The following KIF13A variants were observed in gnomAD, a reference collection of about 807,000 sequenced individuals.
KIF13A encodes the protein kinesin-like protein KIF13A.
Under a neutral mutation model 212.2 loss-of-function variants are expected in KIF13A, and 79 were observed. The ratio of observed to expected loss-of-function variants is 0.37; its 90% CI spans 0.31 to 0.45. The LOEUF (loss-of-function observed/expected upper bound fraction) is 0.45, where lower values mean the gene tolerates loss of function less well. Among genes scored for constraint, KIF13A ranks in the 20% least tolerant of loss-of-function variants. KIF13A has a pLI of 1.00. For synonymous variants in KIF13A, 789 were observed against 808.6 expected, an observed-to-expected ratio of 0.98 and a Z score of 0.41; for missense variants, 1,901 against 2,209.0, an observed-to-expected ratio of 0.86 and a Z score of 2.79.
Position 17,972,922 on chromosome 6 carries a change from C to G in KIF13A, c.146+14132G>C, listed in dbSNP as rs578097848. On this transcript the variant is annotated intron_variant, in intron 2 of 38. Coordinates refer to ENST00000259711, the MANE Select transcript of KIF13A (RefSeq NM_022113.6). ...GTTTCCCTCAAGCCTCTTCTAACAG[C>G]AGCCAGTTCATCAAGCCCACAGACC... 1.1e-4 allele frequency among the ~76,000 whole-genome samples: 17 copies of G among 151,878 alleles called. No homozygotes were observed. The South Asian group carries it at 1.3e-3, about 11-fold the overall frequency.
rs1465885638 is a variant in KIF13A, at chr6:17,888,940, A to G, written c.159+9228T>C. Among the ~76,000 whole-genome samples, 1 of 152,184 alleles carries G rather than the reference A, an allele frequency of 6.6e-6. No individual in the cohort carries two copies. The highest frequency in any genetic ancestry group is 2.4e-5 in the African/African-American group (1 of 41,460). On this transcript the variant is annotated intron_variant, in intron 3 of 38. Coordinates refer to ENST00000259711, the MANE Select transcript of KIF13A (RefSeq NM_022113.6). This position sits in a 1 kb window ranked among gnomAD's most constrained non-coding sequence, Gnocchi z 4.8. ...TTCTTTCTTGTACCAAGTCTTCTAA[A>G]TCTAGCATATATTTTGTACTTAATC...
intron 4 of KIF13A, among the ~76,000 whole-genome samples, chr6:17,859,620 T>TTTTATA (rs1485260645): frequency 1.5e-5 from 2 of 131,554 alleles, no homozygotes; most frequent in African/African-American, 2.9e-5. Flanking sequence ...GCAATGTATT[T>TTTTATA]TATATATATA....
intron 16 of KIF13A, chr6:17,821,691 T>C: frequency 7.4e-7 from 1 of 1,358,570 alleles, no homozygotes; most frequent in Middle Eastern, 1.8e-4. Context: ...TCATGTTAGT[T>C]AGATTTTTGC....
At position 17,872,792 on chromosome 6, in the gene KIF13A, C is replaced by A. The variant is rs1378803277; in HGVS notation, c.220+585G>T. Among the ~76,000 whole-genome samples, 1 of 152,050 alleles carries A rather than the reference C, an allele frequency of 6.6e-6. No individual in the cohort carries two copies. The highest frequency in any genetic ancestry group is 1.5e-5 in the Non-Finnish European group (1 of 67,994). On this transcript the variant is annotated intron_variant, in intron 4 of 38. Coordinates refer to ENST00000259711, the MANE Select transcript of KIF13A (RefSeq NM_022113.6). The surrounding 1 kb of genome is among the most constrained non-coding windows in gnomAD (Gnocchi z 4.7). ...CTGGGATTACAGGCGCCCACCACCA[C>A]ACCTGAATAAGTTTTGTATGTTTAG...
intron 4 of KIF13A, among the ~76,000 whole-genome samples, chr6:17,864,902 G>C (rs1769205970): frequency 6.6e-6 from 1 of 152,204 alleles, no homozygotes; most frequent in African/African-American, 2.4e-5. Flanking sequence ...TGTACTGGGA[G>C]ATGGGTAACC....
intron 3 of KIF13A, among the ~76,000 whole-genome samples, chr6:17,893,855 T>C (rs1228145684): frequency 1.1e-4 from 11 of 95,906 alleles, no homozygotes; most frequent in Admixed American, 8.3e-4. Flanking sequence ...TTTTTTTTTT[T>C]CTGAGACAGA....
intron 2 of KIF13A, among the ~76,000 whole-genome samples, chr6:17,905,716 T>C (rs960506361): frequency 2.0e-5 from 3 of 152,084 alleles, no homozygotes; most frequent in Admixed American, 6.5e-5. Context: ...GCCAAAGAAA[T>C]GTTATCCCAA....
Position 17,883,585 on chromosome 6 carries a change from A to AT in KIF13A, c.160-10149dup, listed in dbSNP as rs1363297484. On this transcript the variant is annotated intron_variant, in intron 3 of 38. Transcript: ENST00000259711. The surrounding 1 kb of genome is among the most constrained non-coding windows in gnomAD (Gnocchi z 4.8). ...AGACTGGTGTCACCCTACAGGCATT[A>AT]TTTTTGTGTTTACTGGATTCCCACT... 6.6e-6 allele frequency among the ~76,000 whole-genome samples: 1 copy of AT among 152,176 alleles called. No homozygotes were observed. Among genetic ancestry groups the AT allele is most frequent in the Admixed American group, 6.5e-5 (1 of 15,284 alleles).
Position 17,891,035 on chromosome 6 carries a change from GAAGGA to G in KIF13A, c.159+7128_159+7132del, listed in dbSNP as rs553855161. 1.9e-4 allele frequency among the ~76,000 whole-genome samples: 29 copies of G among 152,122 alleles called. 1 individual carries two copies. The South Asian group carries it at 4.8e-3, about 25-fold the overall frequency. On this transcript the variant is annotated intron_variant, in intron 3 of 38. Coordinates refer to ENST00000259711, the MANE Select transcript of KIF13A (RefSeq NM_022113.6). ...AGACTCAAAACTACAGTCACACTGA[GAAGGA>G]AAGACACTCCAATCCTACAAATTAT...
At chr6:17,804,715 G>C (rs1027431322) in intron 19 of KIF13A, among the ~76,000 whole-genome samples, 1 of 148,756 alleles carries the variant, frequency 6.7e-6, no homozygotes, top group Admixed American at 6.9e-5. Context: ...CAGGAGGCTG[G>C]GGCACGAGAA....
chr6:17,844,510 G>A (rs999243339), intron 9 of KIF13A, among the ~76,000 whole-genome samples: 3 of 152,146 alleles, frequency 2.0e-5, no homozygotes, highest in African/African-American at 7.2e-5. Flanking sequence ...GGACGTCTCC[G>A]AGCTTTTAGC....
At chr6:17,964,731 G>A (rs1779142769) in intron 2 of KIF13A, among the ~76,000 whole-genome samples, 1 of 151,756 alleles carries the variant, frequency 6.6e-6, no homozygotes, top group African/African-American at 2.4e-5. Flanking sequence ...AATTTTTCAT[G>A]GGCTTAGGTC....
intron 33 of KIF13A, among the ~76,000 whole-genome samples, chr6:17,778,552 G>A (rs549304529): frequency 6.6e-6 from 1 of 152,134 alleles, no homozygotes; most frequent in Non-Finnish European, 1.5e-5. Context: ...AAGCATATGT[G>A]CTTTGGAGTC....
Position 17,771,457 on chromosome 6 carries a change from C to T in KIF13A, c.4477-239G>A, listed in dbSNP as rs1253402142. On this transcript the variant is annotated intron_variant, in intron 37 of 38. Transcript: ENST00000259711. This position sits in a 1 kb window ranked among gnomAD's most constrained non-coding sequence, Gnocchi z 5.4. ...AAAACAGCCTTTTGACCAGGTACAA[C>T]GGCTCATGCCTGCAATCCCAGTGCC... is the stretch of plus-strand genomic sequence containing the variant. The T allele has an allele frequency of 5.4e-5, 26 of 483,382 alleles. No homozygotes were observed. The highest frequency in any genetic ancestry group is 5.1e-5 in the Non-Finnish European group (14 of 272,338). 29.9% of individuals were successfully genotyped at this position (483,382 alleles called of 1,614,324 possible).
intron 2 of KIF13A, among the ~76,000 whole-genome samples, chr6:17,917,111 C>T (rs1319909571): frequency 6.6e-6 from 1 of 151,892 alleles, no homozygotes; most frequent in African/African-American, 2.4e-5. Flanking sequence ...TCCCCAAGAT[C>T]ACTAGAGACT....
chr6:17,870,205 T>C (rs548098062), intron 4 of KIF13A, among the ~76,000 whole-genome samples: 6 of 152,110 alleles, frequency 3.9e-5, no homozygotes, highest in Non-Finnish European at 8.8e-5. Flanking sequence ...TAAGAAAATA[T>C]CCTCCCAAAT....
chr6:17,985,404 C>A (rs1179831092), intron 2 of KIF13A, among the ~76,000 whole-genome samples: 1 of 152,116 alleles, frequency 6.6e-6, no homozygotes, highest in Non-Finnish European at 1.5e-5. Context: ...CCAAATCCCA[C>A]AAAATCAAAT....
chr6:17,902,773 G>A (rs1270241043), intron 2 of KIF13A, among the ~76,000 whole-genome samples: 1 of 152,188 alleles, frequency 6.6e-6, no homozygotes, highest in Non-Finnish European at 1.5e-5. Context: ...GATGCCTTCA[G>A]TAACTGTCTG....
In KIF13A at chr6:17,763,924, G is replaced by A; in HGVS notation, c.*186C>T. ...ATGTGCCAGGTAAAAAAATCCACTGGTCTTATAATTTCACAATTGCGTTCT... is the reference window on the plus strand; with the variant it reads ...ATGTGCCAGGTAAAAAAATCCACTGATCTTATAATTTCACAATTGCGTTCT... On this transcript the variant is annotated 3_prime_UTR_variant, in exon 39 of 39. Transcript: ENST00000259711. 1 of 1,429,894 alleles carries A rather than the reference G, an allele frequency of 7.0e-7. No homozygotes were observed. The highest frequency in any genetic ancestry group is 9.1e-7 in the Non-Finnish European group (1 of 1,096,980). The allele number at this position is 1,429,894 out of a possible 1,614,324, so 88.6% of individuals were successfully genotyped here.
Sources: gnomAD v4.1 joint callset for allele counts (sites outside exome capture counted in the v4.1 genomes callset) on GRCh38, gnomAD v4.1.1 for gene constraint, Gnocchi (gnomAD v3.1) non-coding constraint, MANE v1.5 for transcripts, NCBI Gene and HGNC (gene_info 2026-07-23, HGNC 2026-07-21) for gene names.